PTPN22: variants seen among roughly 807,000 people sequenced by gnomAD.
PTPN22 encodes protein tyrosine phosphatase non-receptor type 22, also known as tyrosine-protein phosphatase non-receptor type 22.
Under a neutral mutation model 103.3 loss-of-function variants are expected in PTPN22, and 85 were observed. The ratio of observed to expected loss-of-function variants is 0.82; its 90% CI spans 0.69 to 0.99. The LOEUF (loss-of-function observed/expected upper bound fraction) is 0.99. Ranked by LOEUF, PTPN22 falls within the 50% of genes least tolerant of loss-of-function variation. The pLI, the probability that PTPN22 is intolerant of heterozygous loss-of-function variation, is 0.00. For missense variants in PTPN22, 865 were observed against 936.9 expected (o/e 0.92, Z 1.00); for synonymous variants, 323 against 310.2 (o/e 1.04, Z -0.43).
At chr1:113,817,829 T>G (rs1402568330) in intron 20 of PTPN22, among the ~76,000 whole-genome samples, 2 of 152,176 alleles carry the variant, frequency 1.3e-5, no homozygotes, top group African/African-American at 4.8e-5. Context: ...TCATATTAGA[T>G]TATGTAGACT....
chr1:113,822,268 CTT>C (rs1661679038), intron 19 of PTPN22, among the ~76,000 whole-genome samples: 1 of 152,212 alleles, frequency 6.6e-6, no homozygotes, highest in African/African-American at 2.4e-5. Flanking sequence ...AGCTTCCACT[CTT>C]GTCACTCTAT....
chr1:113,818,939 C>A (rs1344342160), intron 20 of PTPN22, among the ~76,000 whole-genome samples: 1 of 151,298 alleles, frequency 6.6e-6, no homozygotes, highest in Non-Finnish European at 1.5e-5. Context: ...TTCAGGGACT[C>A]CTGGAGGCCT....
At chr1:113,841,576 TCAA>T (rs1663545850) in intron 11 of PTPN22, among the ~76,000 whole-genome samples, 1 of 147,796 alleles carries the variant, frequency 6.8e-6, no homozygotes, top group African/African-American at 2.5e-5. Flanking sequence ...CTCCTAAAAC[TCAA>T]CAACATGTAA....
At chr1:113,858,455 A>C in intron 4 of PTPN22, 23 bp downstream of exon 4, 1 of 1,506,886 alleles carries the variant, frequency 6.6e-7, no homozygotes, top group South Asian at 1.2e-5. Flanking sequence ...AGAATAAAGT[A>C]ACAAAAGCAA....
intron 7 of PTPN22, among the ~76,000 whole-genome samples, chr1:113,855,902 G>T (rs1665019248): frequency 6.6e-6 from 1 of 152,172 alleles, no homozygotes; most frequent in African/African-American, 2.4e-5. Context: ...TCTCAAACTG[G>T]TCCCCAGTCT....
At chr1:113,827,220 ATTAT>A (rs1441900711) in intron 18 of PTPN22, among the ~76,000 whole-genome samples, 2 of 152,198 alleles carry the variant, frequency 1.3e-5, no homozygotes, top group East Asian at 3.8e-4. Context: ...TATTTAATAC[ATTAT>A]TTATTTGTAA....
intron 1 of PTPN22, among the ~76,000 whole-genome samples, chr1:113,869,560 A>G (rs1163282069): frequency 3.3e-5 from 5 of 152,060 alleles, no homozygotes; most frequent in Middle Eastern, 3.4e-3. Context: ...ACGCCCAGCT[A>G]ATTTTTGTAT....
At chr1:113,853,352 C>CTTTTTTTTTT (rs1314425403) in intron 9 of PTPN22, among the ~76,000 whole-genome samples, 1 of 130,328 alleles carries the variant, frequency 7.7e-6, no homozygotes. Context: ...CTTTTTCTTT[C>CTTTTTTTTTT]TTTTTTTTTT....
intron 13 of PTPN22, among the ~76,000 whole-genome samples, chr1:113,835,693 TA>T (rs567286188): frequency 3.3e-4 from 50 of 152,290 alleles, no homozygotes; most frequent in Admixed American, 2.0e-4. Context: ...CTTTGACGTG[TA>T]AAAGGTTCAG....
intron 17 of PTPN22, 102 bp downstream of exon 17, chr1:113,829,847 G>A (rs944133364): frequency 4.0e-6 from 5 of 1,252,782 alleles, no homozygotes; most frequent in African/African-American, 1.5e-5. Flanking sequence ...GTATTCTTTT[G>A]TGTAATCATT....
intron 1 of PTPN22, among the ~76,000 whole-genome samples, chr1:113,866,511 AAAC>A (rs374580486): frequency 1.3e-4 from 20 of 150,882 alleles, no homozygotes; most frequent in East Asian, 5.8e-4. Context: ...CTCCATCTCA[AAAC>A]AACAACAACA....
At chr1:113,834,683 C>G (rs1662826178) in intron 14 of PTPN22, among the ~76,000 whole-genome samples, 1 of 152,028 alleles carries the variant, frequency 6.6e-6, no homozygotes, top group Non-Finnish European at 1.5e-5. Context: ...CTCCACCATC[C>G]AAATAGTTGG....
At chr1:113,866,024 A>C (rs1195233116) in intron 1 of PTPN22, among the ~76,000 whole-genome samples, 1 of 152,208 alleles carries the variant, frequency 6.6e-6, no homozygotes, top group East Asian at 1.9e-4. Context: ...ATTGAAATTC[A>C]GTTCCACCAC....
Position 113,837,119 on chromosome 1 carries a change from C to G in PTPN22, c.1810+471G>C, listed in dbSNP as rs143500112. Among the ~76,000 whole-genome samples, 180 of 151,984 alleles carry G rather than the reference C, an allele frequency of 1.2e-3. 2 individuals are homozygous for G. Among genetic ancestry groups the G allele is most frequent in the African/African-American group, 4.0e-3 (167 of 41,438 alleles). On this transcript the variant is annotated intron_variant, in intron 13 of 20. Transcript: ENST00000359785. ...AACTTATTACAGCATTAAAACACTC[C>G]TGGAATGTATTTATTTGAGGAGTAG... is the stretch of plus-strand genomic sequence containing the variant.
At chr1:113,833,425 G>A (rs918194776) in intron 15 of PTPN22, among the ~76,000 whole-genome samples, 2 of 152,166 alleles carry the variant, frequency 1.3e-5, no homozygotes, top group African/African-American at 4.8e-5. Context: ...TTAGAGGTAA[G>A]TTGCGGAAAT....
chr1:113,828,792 T>C (rs1662300389), intron 18 of PTPN22, among the ~76,000 whole-genome samples: 1 of 152,068 alleles, frequency 6.6e-6, no homozygotes, highest in African/African-American at 2.4e-5. Context: ...CACAGCACCA[T>C]GCCCGGCTAA....
chr1:113,835,661 T>C (rs1180663840), intron 13 of PTPN22, among the ~76,000 whole-genome samples: 1 of 152,194 alleles, frequency 6.6e-6, no homozygotes, highest in African/African-American at 2.4e-5. Flanking sequence ...ACATAGACTA[T>C]ATAATAAAAC....
exon 10 of PTPN22, chr1:113,852,096 A>G (rs751071914): frequency 1.4e-5 from 22 of 1,605,914 alleles, no homozygotes; most frequent in South Asian, 1.3e-4. Flanking sequence ...TGAAGTTCTC[A>G]GGAATTATCT....
chr1:113,858,565 A>C lies in PTPN22; in HGVS notation c.282T>G (p.Tyr94Ter). The C allele has an allele frequency of 6.3e-7, 1 of 1,582,408 alleles. No homozygotes were observed. Among genetic ancestry groups the C allele is most frequent in the Non-Finnish European group, 8.6e-7 (1 of 1,157,482 alleles). The change falls in exon 4 of 21, where the codon TAT (tyrosine) becomes TAG (stop). Residue 94 changes from tyrosine to a stop codon, truncating the protein, a stop_gained. Transcript: ENST00000359785. LOFTEE classifies it high-confidence loss of function. ...GGGTGGCAATATAAGCCTTGGGTCC[A>C]TAAACTCCCTAAAGGGGAACAGAAA...
Sources: gnomAD v4.1 joint callset for allele counts (sites outside exome capture counted in the v4.1 genomes callset) on GRCh38, gnomAD v4.1.1 for gene constraint, MANE v1.5 for transcripts, NCBI Gene and HGNC (gene_info 2026-07-23, HGNC 2026-07-21) for gene names.